The following NCKAP5 variants were observed in gnomAD, a reference collection of about 807,000 sequenced individuals.
NCKAP5 encodes the protein NCK associated protein 5.
A neutral mutation model predicts 167.0 loss-of-function variants in NCKAP5; 92 were observed. The ratio of observed to expected loss-of-function variants is 0.55; its 90% CI spans 0.47 to 0.66. The LOEUF (loss-of-function observed/expected upper bound fraction) is 0.66, where lower values mean the gene tolerates loss of function less well. NCKAP5 is among the 30% of genes least tolerant of loss of function. The pLI is 0.00. For synonymous variants in NCKAP5, 891 were observed against 877.4 expected (o/e 1.02, Z -0.27); for missense variants, 2,378 against 2,315.0 (o/e 1.03, Z -0.56).
intron 6 of NCKAP5, among the ~76,000 whole-genome samples, chr2:132,998,925 T>G (rs769945155): frequency 7.2e-5 from 11 of 152,198 alleles, no homozygotes; most frequent in Non-Finnish European, 1.5e-4. Context: ...AATTCATGTC[T>G]TCTAGCTCTC....
At chr2:133,657,263 TAAC>T in the NCKAP5 span, among the ~76,000 whole-genome samples, 1 of 152,144 alleles carries the variant, frequency 6.6e-6, no homozygotes, top group African/African-American at 2.4e-5. Flanking sequence ...TGCCCCTCTG[TAAC>T]TAGGATCAAG....
At chr2:132,687,514 T>C (rs1318432829) in intron 19 of NCKAP5, among the ~76,000 whole-genome samples, 4 of 152,150 alleles carry the variant, frequency 2.6e-5, no homozygotes, top group Non-Finnish European at 5.9e-5. Flanking sequence ...TCTATAGTTC[T>C]CTAAAGTGAC....
At chr2:133,400,975 C>T (rs1022435792) in intron 3 of NCKAP5, among the ~76,000 whole-genome samples, 4 of 152,140 alleles carry the variant, frequency 2.6e-5, no homozygotes, top group African/African-American at 9.7e-5. Context: ...TCTAACTATA[C>T]CTGAGTTACT....
chr2:133,606,073 G>A, the NCKAP5 span, among the ~76,000 whole-genome samples: 1 of 152,172 alleles, frequency 6.6e-6, no homozygotes, highest in Non-Finnish European at 1.5e-5. Flanking sequence ...GGAAAAGGCT[G>A]TAGTTCTCAC....
At chr2:132,846,501 T>C (rs1447554) in intron 11 of NCKAP5, among the ~76,000 whole-genome samples, 96,718 of 151,790 alleles carry the variant, frequency 0.64, 32,276 homozygotes, top group East Asian at 0.91. Context: ...GATGGGGTCT[T>C]GCGATGTTGG....
At chr2:133,149,021 T>C (rs2083295192) in intron 5 of NCKAP5, among the ~76,000 whole-genome samples, 1 of 152,188 alleles carries the variant, frequency 6.6e-6, no homozygotes, top group African/African-American at 2.4e-5. Flanking sequence ...GTTTTCCTTA[T>C]GTTTGATAAA....
the NCKAP5 span, among the ~76,000 whole-genome samples, chr2:133,586,751 T>TCA: frequency 0.031 from 4,400 of 140,926 alleles, 85 homozygotes; most frequent in Admixed American, 0.062. Flanking sequence ...GACAGCAATA[T>TCA]CACACACACA....
chr2:133,322,785 A>C (rs548470761), intron 3 of NCKAP5, among the ~76,000 whole-genome samples: 5 of 152,190 alleles, frequency 3.3e-5, no homozygotes, highest in Non-Finnish European at 7.3e-5. Context: ...GGGCCAGATC[A>C]GTGGTTAGCA....
chr2:133,225,887 A>G (rs1250062937), intron 4 of NCKAP5, among the ~76,000 whole-genome samples: 1 of 144,358 alleles, frequency 6.9e-6, no homozygotes, highest in African/African-American at 2.6e-5. Context: ...GGTTCAAGAG[A>G]TTCTCCTGCC....
chr2:133,044,971 C>T (rs1419099325), intron 6 of NCKAP5, among the ~76,000 whole-genome samples: 2 of 151,566 alleles, frequency 1.3e-5, no homozygotes, highest in Non-Finnish European at 1.5e-5. Context: ...AGGAGGATTG[C>T]CTGAGCCCAT....
intron 6 of NCKAP5, among the ~76,000 whole-genome samples, chr2:133,001,154 A>G (rs2149331666): frequency 6.6e-6 from 1 of 152,248 alleles, no homozygotes; most frequent in African/African-American, 2.4e-5. Context: ...AGAACTGTAA[A>G]CACATATGGA....
intron 11 of NCKAP5, among the ~76,000 whole-genome samples, chr2:132,805,355 T>C (rs1357549662): frequency 6.6e-6 from 1 of 152,178 alleles, no homozygotes; most frequent in Admixed American, 6.5e-5. Flanking sequence ...CCCAATTAAA[T>C]CTGGTTAATG....
chr2:133,595,372 CCTT>C, the NCKAP5 span, among the ~76,000 whole-genome samples: 7 of 132,500 alleles, frequency 5.3e-5, no homozygotes, highest in Admixed American at 1.4e-4. Context: ...TCATCCTCCC[CCTT>C]CTTCTTCCTC....
chr2:132,733,239 C>T (rs1176456942), intron 16 of NCKAP5, among the ~76,000 whole-genome samples: 1 of 152,160 alleles, frequency 6.6e-6, no homozygotes, highest in Non-Finnish European at 1.5e-5. Context: ...ATATGATAAT[C>T]CTGGAAGGAA....
At chr2:132,708,115 T>G (rs933504809) in intron 19 of NCKAP5, among the ~76,000 whole-genome samples, 1 of 151,826 alleles carries the variant, frequency 6.6e-6, no homozygotes, top group Non-Finnish European at 1.5e-5. Flanking sequence ...TAGCTTCAGG[T>G]GTGACCCAGC....
At chr2:133,318,592 C>T (rs1487240179) in intron 3 of NCKAP5, among the ~76,000 whole-genome samples, 1 of 152,180 alleles carries the variant, frequency 6.6e-6, no homozygotes. Context: ...TTTCTTCTCT[C>T]CTGAGGGGCC....
chr2:132,977,778 G>C (rs1274688435), intron 7 of NCKAP5, among the ~76,000 whole-genome samples: 1 of 152,228 alleles, frequency 6.6e-6, no homozygotes, highest in Non-Finnish European at 1.5e-5. Context: ...GCTGTCTCTA[G>C]TCAGGCAAAA....
Position 132,785,219 on chromosome 2 carries a change from T to C in NCKAP5, c.1592A>G (p.Lys531Arg), listed in dbSNP as rs1347109300. The change falls in exon 14 of 20, where the codon AAG becomes AGG. Residue 531 changes from lysine to arginine, a missense_variant. By Grantham distance (26) the Lys-to-Arg change is conservative (BLOSUM62 2). Coordinates refer to ENST00000409261, the MANE Select transcript of NCKAP5 (RefSeq NM_207363.3). ...FLEGTSSVYP[K>R]ERPEKLTSCA... ...ACTTGTCAGCTTTTCAGGCCTTTCC[T>C]TGGGATAAACTGAGGATGTGCCTTC... 2 of 1,572,076 alleles carry C rather than the reference T, an allele frequency of 1.3e-6. No homozygotes were observed. Among genetic ancestry groups the C allele is most frequent in the Non-Finnish European group, 1.7e-6 (2 of 1,161,312 alleles).
chr2:132,911,305 G>A (rs1222717786), intron 8 of NCKAP5: 1 of 152,888 alleles, frequency 6.5e-6, no homozygotes, highest in Non-Finnish European at 1.5e-5. Flanking sequence ...CTAATCTTTA[G>A]ACTCTTCCTG....
Sources: allele counts gnomAD v4.1 joint callset (sites outside exome capture counted in the v4.1 genomes callset), GRCh38; gene constraint gnomAD v4.1.1; transcripts MANE v1.5; gene names NCBI Gene and HGNC (gene_info 2026-07-23, HGNC 2026-07-21).